The following ADAM18 variants were observed in gnomAD, a reference collection of about 807,000 sequenced individuals.
ADAM18 encodes ADAM metallopeptidase domain 18.
Under a neutral mutation model 94.4 loss-of-function variants are expected in ADAM18, and 117 were observed. The ratio of observed to expected loss-of-function variants is 1.24; its 90% CI spans 1.07 to 1.45. The LOEUF (loss-of-function observed/expected upper bound fraction) is 1.45, where lower values mean the gene tolerates loss of function less well. ADAM18 is among the 40% of genes most tolerant of loss of function. The pLI, the probability that ADAM18 is intolerant of heterozygous loss-of-function variation, is 0.00. For synonymous variants in ADAM18, 327 were observed against 291.6 expected (o/e 1.12, Z -1.24); for missense variants, 936 against 880.0 (o/e 1.06, Z -0.81).
intron 2 of ADAM18, among the ~76,000 whole-genome samples, chr8:39,592,919 G>C (rs940276882): frequency 6.6e-5 from 10 of 152,216 alleles, no homozygotes; most frequent in East Asian, 3.9e-4. Context: ...TCCAGTAGAA[G>C]GCTGTTTTAT....
chr8:39,639,179 G>A (rs1192729021), intron 10 of ADAM18, among the ~76,000 whole-genome samples: 1 of 151,470 alleles, frequency 6.6e-6, no homozygotes, highest in Non-Finnish European at 1.5e-5. Flanking sequence ...AATTTTTATC[G>A]AGTTTATGCA....
intron 3 of ADAM18, among the ~76,000 whole-genome samples, chr8:39,608,498 T>C (rs1453394815): frequency 6.6e-6 from 1 of 151,988 alleles, no homozygotes; most frequent in Non-Finnish European, 1.5e-5. Flanking sequence ...ATATTTCTGC[T>C]TGAGGGTCCT....
chr8:39,621,309 TCA>T (rs55818122), intron 6 of ADAM18, among the ~76,000 whole-genome samples: 13,208 of 128,612 alleles, frequency 0.1, 618 homozygotes, highest in Middle Eastern at 0.16. Flanking sequence ...CATGACAAAA[TCA>T]CACACACACA....
chr8:39,719,624 A>G (rs1297527665), intron 18 of ADAM18, among the ~76,000 whole-genome samples: 1 of 151,404 alleles, frequency 6.6e-6, no homozygotes, highest in Non-Finnish European at 1.5e-5. Context: ...TAAAAAACCA[A>G]CTCTATAAAA....
intron 11 of ADAM18, 94 bp downstream of exon 11, chr8:39,645,568 T>G: frequency 1.7e-6 from 2 of 1,175,392 alleles, no homozygotes; most frequent in Middle Eastern, 2.8e-4. Flanking sequence ...CGGCACCACA[T>G]CAATGGCTAG....
chr8:39,703,417 G>A (rs1298263186), intron 17 of ADAM18, among the ~76,000 whole-genome samples: 1 of 152,070 alleles, frequency 6.6e-6, no homozygotes, highest in Non-Finnish European at 1.5e-5. Context: ...ATAGGATCAT[G>A]TCATCCACAA....
intron 19 of ADAM18, among the ~76,000 whole-genome samples, chr8:39,725,868 C>G (rs1204004517): frequency 1.3e-5 from 2 of 152,122 alleles, no homozygotes. Context: ...AATTCATACC[C>G]AGAAGTGAGG....
At chr8:39,627,282 C>T (rs1164751379) in intron 6 of ADAM18, among the ~76,000 whole-genome samples, 1 of 152,026 alleles carries the variant, frequency 6.6e-6, no homozygotes, top group African/African-American at 2.4e-5. Flanking sequence ...AAAGGGACAT[C>T]TTACATGTCA....
chr8:39,670,890 G>A (rs969121276), intron 14 of ADAM18, among the ~76,000 whole-genome samples: 8 of 152,176 alleles, frequency 5.3e-5, no homozygotes, highest in South Asian at 4.1e-4. Flanking sequence ...CAATGATTAC[G>A]TGAGGTGGGG....
At chr8:39,616,543 A>C (rs1278597853) in intron 6 of ADAM18, among the ~76,000 whole-genome samples, 1 of 152,224 alleles carries the variant, frequency 6.6e-6, no homozygotes, top group Non-Finnish European at 1.5e-5. Flanking sequence ...ATGGGACCAA[A>C]AAAAGAGCCT....
chr8:39,648,647 T>G, intron 12 of ADAM18, 120 bp downstream of exon 12: 1 of 946,404 alleles, frequency 1.1e-6, no homozygotes, highest in Middle Eastern at 3.4e-4. Flanking sequence ...ATAACTGAAA[T>G]ATGAGAAACA....
chr8:39,658,839 G>A (rs1820756478), intron 12 of ADAM18, among the ~76,000 whole-genome samples: 1 of 152,114 alleles, frequency 6.6e-6, no homozygotes, highest in Admixed American at 6.5e-5. Flanking sequence ...GGAGAGTACC[G>A]TACATGCCCC....
At position 39,702,506 on chromosome 8, in the gene ADAM18, T is replaced by C. The variant is rs146768271; in HGVS notation, c.1903-4284T>C. Reference sequence around the variant, plus strand: ...TCTTTGATAATATCCCATTTGTCAATTTTTGCTTTTGTTTCAATTGCTTTT... The same window carrying C: ...TCTTTGATAATATCCCATTTGTCAACTTTTGCTTTTGTTTCAATTGCTTTT... On this transcript the variant is annotated intron_variant, in intron 17 of 19. Coordinates refer to ENST00000265707, the MANE Select transcript of ADAM18 (RefSeq NM_014237.3). Among the ~76,000 whole-genome samples the C allele has an allele frequency of 4.6e-3, 707 of 152,294 alleles. 6 individuals are homozygous for C. Among genetic ancestry groups the C allele is most frequent in the Non-Finnish European group, 7.2e-3 (488 of 68,006 alleles).
At chr8:39,714,735 G>GT (rs1290432080) in intron 18 of ADAM18, among the ~76,000 whole-genome samples, 2 of 152,046 alleles carry the variant, frequency 1.3e-5, no homozygotes, top group African/African-American at 2.4e-5. Flanking sequence ...AGTAAGTATA[G>GT]TAAGTCCTCA....
intron 6 of ADAM18, among the ~76,000 whole-genome samples, chr8:39,611,763 A>G (rs1819278932): frequency 6.6e-6 from 1 of 151,934 alleles, no homozygotes; most frequent in Admixed American, 6.6e-5. Context: ...TTGTGATGGG[A>G]ACCAAATGTA....
chr8:39,668,795 A>T (rs1361717422), intron 14 of ADAM18, among the ~76,000 whole-genome samples: 4 of 152,124 alleles, frequency 2.6e-5, no homozygotes, highest in African/African-American at 9.6e-5. Flanking sequence ...AACAGATCAA[A>T]ATTACCCAGT....
chr8:39,624,314 T>C (rs1290420426), intron 6 of ADAM18, among the ~76,000 whole-genome samples: 2 of 152,222 alleles, frequency 1.3e-5, no homozygotes, highest in Non-Finnish European at 2.9e-5. Context: ...CCATCTTGAG[T>C]TGATTTTTGT....
At chr8:39,712,444 GCA>G (rs1377050522) in intron 18 of ADAM18, among the ~76,000 whole-genome samples, 1 of 152,140 alleles carries the variant, frequency 6.6e-6, no homozygotes, top group Non-Finnish European at 1.5e-5. Context: ...TCTGGTCAGG[GCA>G]ATCAGGCAAG....
chr8:39,627,870 T>C (rs969651556), intron 6 of ADAM18, among the ~76,000 whole-genome samples: 1 of 152,162 alleles, frequency 6.6e-6, no homozygotes, highest in Non-Finnish European at 1.5e-5. Context: ...TGTTTTAAGA[T>C]GTACAACTCC....
Sources: gnomAD v4.1 joint callset for allele counts (sites outside exome capture counted in the v4.1 genomes callset) on GRCh38, gnomAD v4.1.1 for gene constraint, MANE v1.5 for transcripts, NCBI Gene and HGNC (gene_info 2026-07-23, HGNC 2026-07-21) for gene names.